The following KREMEN1 variants were observed in gnomAD, a reference collection of about 807,000 sequenced individuals.
KREMEN1 encodes the protein kringle containing transmembrane protein 1.
A neutral mutation model predicts 46.5 loss-of-function variants in KREMEN1; 30 were observed. The observed-to-expected ratio is 0.65, with a 90% confidence interval of 0.48 to 0.88. KREMEN1 has a LOEUF of 0.88. Ranked by LOEUF, KREMEN1 falls within the 40% of genes least tolerant of loss-of-function variation. The probability of loss-of-function intolerance (pLI) is 0.00; values close to 1 mark genes in which losing one functional copy is unlikely to be tolerated. For synonymous variants in KREMEN1, 214 were observed against 230.6 expected, an observed-to-expected ratio of 0.93 and a Z score of 0.65; for missense variants, 533 against 596.9, an observed-to-expected ratio of 0.89 and a Z score of 1.11.
intron 1 of KREMEN1, among the ~76,000 whole-genome samples, chr22:29,075,254 T>C (rs1481420890): frequency 6.6e-6 from 1 of 152,198 alleles, no homozygotes; most frequent in Non-Finnish European, 1.5e-5. Context: ...CAGGGTTTAA[T>C]GTCCCCTACA....
At chr22:29,154,726 G>C (rs1173385227) in intron 9 of KREMEN1, 1 of 152,260 alleles carries the variant, frequency 6.6e-6, no homozygotes, top group African/African-American at 2.4e-5. Context: ...TGCCCAGCGC[G>C]GTGATGCGTG....
intron 5 of KREMEN1, among the ~76,000 whole-genome samples, chr22:29,135,155 T>C (rs777950888): frequency 2.6e-5 from 4 of 152,182 alleles, no homozygotes; most frequent in Admixed American, 6.5e-5. Flanking sequence ...AGAGCTCTGC[T>C]TTGCATCGGC....
intron 5 of KREMEN1, among the ~76,000 whole-genome samples, chr22:29,125,712 C>T (rs1430819248): frequency 6.6e-6 from 1 of 152,156 alleles, no homozygotes; most frequent in Non-Finnish European, 1.5e-5. Context: ...TCCAATTTTA[C>T]ATAGACACTA....
intron 1 of KREMEN1, among the ~76,000 whole-genome samples, chr22:29,092,230 C>T (rs917808769): frequency 6.6e-5 from 10 of 152,170 alleles, no homozygotes; most frequent in Middle Eastern, 3.4e-3. Flanking sequence ...GACTTGCTGA[C>T]GAATCGGAAG....
At chr22:29,158,850 C>T (rs117561294) in intron 9 of KREMEN1, among the ~76,000 whole-genome samples, 2,445 of 152,280 alleles carry the variant, frequency 0.016, 28 homozygotes, top group Middle Eastern at 0.058. Flanking sequence ...TTTTTTGAGA[C>T]GGAGTCTCAG....
intron 3 of KREMEN1, among the ~76,000 whole-genome samples, chr22:29,115,810 G>A (rs2038229773): frequency 6.6e-6 from 1 of 152,196 alleles, no homozygotes; most frequent in African/African-American, 2.4e-5. Context: ...AATATTCTAA[G>A]CACAGGGAAT....
chr22:29,150,351 C>T (rs1041802875), downstream of KREMEN1, among the ~76,000 whole-genome samples: 12 of 152,190 alleles, frequency 7.9e-5, no homozygotes, highest in East Asian at 1.9e-4. Context: ...GGAATAAACC[C>T]GTTAGCTCTG....
chr22:29,146,646 A>C lies in KREMEN1; in HGVS notation c.*4534A>C. 13 of 964,450 alleles carry C rather than the reference A, an allele frequency of 1.3e-5. No individual in the cohort carries two copies. Among genetic ancestry groups the C allele is most frequent in the Non-Finnish European group, 1.6e-5 (13 of 810,484 alleles). 59.7% of individuals were successfully genotyped at this position (964,450 alleles called of 1,614,324 possible). A position where few individuals can be genotyped will look rare whatever the true frequency, so the allele number is the denominator to read the frequency against. On this transcript the variant is annotated 3_prime_UTR_variant, in exon 9 of 9. Transcript: ENST00000400335. ...ATATGCAACTTTGAGAATAAAATAG[A>C]AACATCATGTATTTTAAAATATAAG...
chr22:29,103,317 G>T (rs553036310), intron 3 of KREMEN1, among the ~76,000 whole-genome samples: 1 of 152,274 alleles, frequency 6.6e-6, no homozygotes, highest in Non-Finnish European at 1.5e-5. Context: ...AGCAGAATCT[G>T]GCTGAATGGT....
intron 9 of KREMEN1, among the ~76,000 whole-genome samples, chr22:29,160,136 A>G (rs1469178452): frequency 6.6e-6 from 1 of 152,200 alleles, no homozygotes; most frequent in Non-Finnish European, 1.5e-5. Flanking sequence ...TTCCAAGATC[A>G]ACCACATGCT....
At chr22:29,165,577 T>C (rs1455150290) in intron 9 of KREMEN1, among the ~76,000 whole-genome samples, 2 of 152,186 alleles carry the variant, frequency 1.3e-5, no homozygotes, top group Non-Finnish European at 2.9e-5. Context: ...TGTTACTTCA[T>C]GATCCTGTTC....
intron 2 of KREMEN1, among the ~76,000 whole-genome samples, chr22:29,096,902 T>C (rs2037891385): frequency 6.6e-6 from 1 of 152,366 alleles, no homozygotes; most frequent in Admixed American, 6.5e-5. Flanking sequence ...GACACCATGT[T>C]TGTCTTGTGT....
At position 29,138,677 on chromosome 22, in the gene KREMEN1, G is replaced by C; in HGVS notation, c.1018G>C (p.Glu340Gln). 1 of 1,614,210 alleles carries C rather than the reference G, an allele frequency of 6.2e-7. No homozygotes were observed. Among genetic ancestry groups the C allele is most frequent in the Non-Finnish European group, 8.5e-7 (1 of 1,180,032 alleles). Residue 340 changes from glutamate (E) to glutamine (Q), a missense_variant, in exon 7 of 9, where the codon GAG (glutamate) becomes CAG (glutamine). Transcript: ENST00000400335. Reference protein sequence around the residue: ...ERPAVNQTVAEVITEQANLSV... With the variant: ...ERPAVNQTVAQVITEQANLSV... ...GCCCGCTGTCAACCAGACGGTGGCC[G>C]AGGTGATCACGGAGCAGGCCAACCT...
intron 3 of KREMEN1, among the ~76,000 whole-genome samples, chr22:29,117,338 T>C (rs4347951): frequency 0.26 from 40,214 of 152,088 alleles, 5,944 homozygotes; most frequent in Admixed American, 0.38. Flanking sequence ...GAGGCCAAGG[T>C]GGGCGGATCG....
chr22:29,151,881 A>G (rs749596850), intron 9 of KREMEN1, among the ~76,000 whole-genome samples: 1 of 151,926 alleles, frequency 6.6e-6, no homozygotes, highest in African/African-American at 2.4e-5. Flanking sequence ...GTGGTAGCAC[A>G]TGCCTGTAAT....
rs554890403 is a variant in KREMEN1 at position 29,110,525 on chromosome 22, A to G, written c.353-10832A>G. 4.6e-5 allele frequency among the ~76,000 whole-genome samples: 7 copies of G among 152,344 alleles called. No homozygotes were observed. The East Asian group carries it at 1.3e-3, about 29-fold the overall frequency. On this transcript the variant is annotated intron_variant, in intron 3 of 8. Coordinates refer to ENST00000400335, the MANE Select transcript of KREMEN1 (RefSeq NM_001039570.3). ...ACTAAGTTTCAGAGAAGGAACTCCCACCAGGAGGGAACTACTGCTGTGATA... is the reference window on the plus strand; with the variant it reads ...ACTAAGTTTCAGAGAAGGAACTCCCGCCAGGAGGGAACTACTGCTGTGATA...
chr22:29,091,077 G>A (rs1466191122), intron 1 of KREMEN1, among the ~76,000 whole-genome samples: 1 of 152,162 alleles, frequency 6.6e-6, no homozygotes, highest in African/African-American at 2.4e-5. Context: ...GGGTTCAAGC[G>A]ATTCTCCTGC....
intron 3 of KREMEN1, among the ~76,000 whole-genome samples, chr22:29,104,739 C>T (rs1170766987): frequency 6.6e-6 from 1 of 151,946 alleles, no homozygotes; most frequent in Admixed American, 6.6e-5. Context: ...ACTAAAAATA[C>T]AAAAATAAAC....
chr22:29,142,751 C>T lies in KREMEN1; in HGVS notation c.*639C>T. The T allele has an allele frequency of 1.0e-6, 1 of 985,420 alleles. No individual in the cohort carries two copies. The highest frequency in any genetic ancestry group is 4.7e-5 in the South Asian group (1 of 21,284). The allele number at this position is 985,420 out of a possible 1,614,324, so 61.0% of individuals were successfully genotyped here. A position where few individuals can be genotyped will look rare whatever the true frequency, so the allele number is the denominator to read the frequency against. The stretch of plus-strand genomic sequence containing the variant: ...GGTCTGAGAATAAGATCTAGTGACC[C>T]CCATTTATATCAAACCTGATACCTT... On this transcript the variant is annotated 3_prime_UTR_variant, in exon 9 of 9. Coordinates refer to ENST00000400335, the MANE Select transcript of KREMEN1 (RefSeq NM_001039570.3).
Sources: gnomAD v4.1 joint callset for allele counts (sites outside exome capture counted in the v4.1 genomes callset) on GRCh38, gnomAD v4.1.1 for gene constraint, MANE v1.5 for transcripts, NCBI Gene and HGNC (gene_info 2026-07-23, HGNC 2026-07-21) for gene names.